The following LARP4 variants were observed in gnomAD, a reference collection of about 807,000 sequenced individuals.
LARP4 encodes la-related protein 4.
A neutral mutation model predicts 92.9 loss-of-function variants in LARP4; 29 were observed. That is an observed-to-expected ratio of 0.31 (90% CI 0.23 to 0.43). The LOEUF (loss-of-function observed/expected upper bound fraction) is 0.43, where lower values mean the gene tolerates loss of function less well. Ranked by LOEUF, LARP4 falls within the 20% of genes least tolerant of loss-of-function variation. The pLI, the probability that LARP4 is intolerant of heterozygous loss-of-function variation, is 1.00. For missense variants in LARP4, 732 were observed against 860.0 expected (o/e 0.85, Z 1.86); for synonymous variants, 279 against 284.1 (o/e 0.98, Z 0.18).
chr12:50,427,490 T>G (rs1268038167), intron 1 of LARP4, among the ~76,000 whole-genome samples: 1 of 152,028 alleles, frequency 6.6e-6, no homozygotes. Context: ...CCTCCCAAAG[T>G]GCTGGAATTA....
chr12:50,426,715 GTGTGTGTGTGTGTGTGGT>G (rs1695458126), intron 1 of LARP4, among the ~76,000 whole-genome samples: 8 of 136,148 alleles, frequency 5.9e-5, no homozygotes, highest in Admixed American at 3.0e-4. Flanking sequence ...GTGTGTGTGT[GTGTGTGTGTGTGTGTGGT>G]TTTTTTTTTT....
Position 50,430,490 on chromosome 12 carries a change from A to G in LARP4, c.323-5A>G. The G allele has an allele frequency of 1.3e-6, 2 of 1,569,464 alleles. No homozygotes were observed. The highest frequency in any genetic ancestry group is 1.1e-5 in the South Asian group (1 of 88,032). On this transcript the variant is annotated splice_polypyrimidine_tract_variant and splice_region_variant and intron_variant, in intron 3 of 15. Transcript: ENST00000398473. ...CTTTTTTTCCCTCTTCTTTTCTACCATCAGGAGAAAGCAATTCAGCAGTTT... is the reference window on the plus strand; with the variant it reads ...CTTTTTTTCCCTCTTCTTTTCTACCGTCAGGAGAAAGCAATTCAGCAGTTT...
chr12:50,427,942 A>G (rs1161733519), intron 2 of LARP4, 33 bp downstream of exon 2: 3 of 1,474,902 alleles, frequency 2.0e-6, no homozygotes, highest in Non-Finnish European at 9.2e-7. Context: ...TAAAAATCAC[A>G]GTTTGGTTAA....
At chr12:50,446,297 C>T (rs1160871166) in intron 8 of LARP4, among the ~76,000 whole-genome samples, 13 of 135,068 alleles carry the variant, frequency 9.6e-5, no homozygotes, top group African/African-American at 1.4e-4. Flanking sequence ...TGAGCCACCG[C>T]GCCTGACCAA....
chr12:50,471,256 A>G (rs1016780314), intron 13 of LARP4, among the ~76,000 whole-genome samples: 2 of 152,208 alleles, frequency 1.3e-5, no homozygotes, highest in Admixed American at 6.5e-5. Flanking sequence ...GCTAGGTGAT[A>G]AAACGGGGTG....
At chr12:50,452,680 A>G (rs1191347347) in intron 8 of LARP4, among the ~76,000 whole-genome samples, 1 of 151,950 alleles carries the variant, frequency 6.6e-6, no homozygotes, top group Non-Finnish European at 1.5e-5. Context: ...ATGATTAGTG[A>G]TTTTGAGCAT....
chr12:50,431,423 C>G (rs763568320), intron 4 of LARP4, among the ~76,000 whole-genome samples: 5 of 152,094 alleles, frequency 3.3e-5, no homozygotes, highest in Non-Finnish European at 7.4e-5. Flanking sequence ...ATAGTTGATT[C>G]TTGTAATGTT....
intron 1 of LARP4, among the ~76,000 whole-genome samples, chr12:50,413,374 GATACTATCAT>G (rs1301112955): frequency 1.3e-5 from 2 of 152,054 alleles, no homozygotes; most frequent in Non-Finnish European, 2.9e-5. Context: ...GTTGTGTGTG[GATACTATCAT>G]ACACAACTGA....
Position 50,437,746 on chromosome 12 carries a change from G to T in LARP4, c.547G>T (p.Val183Leu). 1 of 1,605,278 alleles carries T rather than the reference G, an allele frequency of 6.2e-7. No individual in the cohort carries two copies. Among genetic ancestry groups the T allele is most frequent in the African/African-American group, 1.3e-5 (1 of 74,800 alleles). ...CTTTTAAATTTCAGCTTCTCCCATG[G>T]TACAAGTTGATGAGAAGGGTGAGAA... ...ILEVLRSSPM[V>L]QVDEKGEKVR... Residue 183 changes from valine (V) to leucine (L), a missense_variant, in exon 6 of 16, where the codon GTA (valine) becomes TTA (leucine). Coordinates refer to ENST00000398473, the MANE Select transcript of LARP4 (RefSeq NM_052879.5).
chr12:50,455,657 C>T (rs1046406270), intron 10 of LARP4, among the ~76,000 whole-genome samples: 1 of 152,024 alleles, frequency 6.6e-6, no homozygotes, highest in South Asian at 2.1e-4. Context: ...TGAGCCCCAA[C>T]AGAATGAAAA....
At chr12:50,428,659 C>T (rs371361408) in intron 2 of LARP4, among the ~76,000 whole-genome samples, 32 of 152,146 alleles carry the variant, frequency 2.1e-4, no homozygotes, top group African/African-American at 7.0e-4. Flanking sequence ...AATTACAGCA[C>T]AGGATTTTCT....
chr12:50,412,981 T>A (rs938740899), intron 1 of LARP4, among the ~76,000 whole-genome samples: 1 of 152,112 alleles, frequency 6.6e-6, no homozygotes, highest in African/African-American at 2.4e-5. Context: ...TCCTAGCACT[T>A]TGGAGGCTGA....
intron 1 of LARP4, among the ~76,000 whole-genome samples, chr12:50,417,147 C>G (rs1314463124): frequency 6.6e-6 from 1 of 152,068 alleles, no homozygotes; most frequent in South Asian, 2.1e-4. Flanking sequence ...TGGTGGCTCA[C>G]GCCTATAATC....
intron 1 of LARP4, among the ~76,000 whole-genome samples, chr12:50,427,239 G>A (rs1948935172): frequency 6.6e-6 from 1 of 152,048 alleles, no homozygotes; most frequent in South Asian, 2.1e-4. Flanking sequence ...TAATATTCTG[G>A]AAAATTACTG....
chr12:50,428,839 C>A, intron 2 of LARP4, 96 bp from the exon 3 acceptor site: 1 of 890,126 alleles, frequency 1.1e-6, no homozygotes, highest in Non-Finnish European at 1.7e-6. Flanking sequence ...TGGTAGAAAT[C>A]CTTAAAATCT....
chr12:50,405,956 TG>T (rs1469695206), intron 1 of LARP4, among the ~76,000 whole-genome samples: 2 of 152,206 alleles, frequency 1.3e-5, no homozygotes, highest in Non-Finnish European at 2.9e-5. Context: ...GTTGCTATAC[TG>T]TATTATTTAT....
chr12:50,446,629 A>G (rs1327936480), intron 8 of LARP4, among the ~76,000 whole-genome samples: 4 of 146,834 alleles, frequency 2.7e-5, no homozygotes, highest in Admixed American at 6.9e-5. Flanking sequence ...GGGTTTCACT[A>G]TGTTGGCCAG....
At chr12:50,434,487 C>T (rs1013570835) in intron 4 of LARP4, among the ~76,000 whole-genome samples, 1 of 148,848 alleles carries the variant, frequency 6.7e-6, no homozygotes, top group South Asian at 2.1e-4. Flanking sequence ...GGCGTGATCT[C>T]GGCTCATTGC....
intron 1 of LARP4, among the ~76,000 whole-genome samples, chr12:50,426,193 G>A (rs1420669946): frequency 2.0e-5 from 3 of 152,254 alleles, no homozygotes; most frequent in East Asian, 3.9e-4. Context: ...CCTTCCCACT[G>A]TCCTTTCTGC....
Sources: gnomAD v4.1 joint callset for allele counts (sites outside exome capture counted in the v4.1 genomes callset) on GRCh38, gnomAD v4.1.1 for gene constraint, MANE v1.5 for transcripts, NCBI Gene and HGNC (gene_info 2026-07-23, HGNC 2026-07-21) for gene names.